The following MGAT4C variants were observed in gnomAD, a reference collection of about 807,000 sequenced individuals.
The protein encoded by MGAT4C is alpha-1,3-mannosyl-glycoprotein 4-beta-N-acetylglucosaminyltransferase C.
Under a neutral mutation model 40.1 loss-of-function variants are expected in MGAT4C, and 19 were observed. That is an observed-to-expected ratio of 0.47 (90% CI 0.33 to 0.70). MGAT4C has a LOEUF of 0.70. MGAT4C is among the 30% of genes least tolerant of loss of function. MGAT4C has a pLI of 0.02. For missense variants in MGAT4C, 491 were observed against 563.2 expected (o/e 0.87, Z 1.30); for synonymous variants, 181 against 187.1 (o/e 0.97, Z 0.27).
intron 2 of MGAT4C, among the ~76,000 whole-genome samples, chr12:86,474,881 C>A (rs764639130): frequency 6.6e-6 from 1 of 150,516 alleles, no homozygotes; most frequent in Non-Finnish European, 1.5e-5. Context: ...TAAATAGGTT[C>A]TTTAAATTCC....
intron 4 of MGAT4C, among the ~76,000 whole-genome samples, chr12:86,264,772 C>G (rs1295188417): frequency 5.3e-5 from 8 of 151,168 alleles, no homozygotes; most frequent in African/African-American, 2.0e-4. Flanking sequence ...AGTGCCTGCT[C>G]TCACTGCCTG....
At chr12:86,398,026 G>A (rs761826886) in intron 3 of MGAT4C, among the ~76,000 whole-genome samples, 24 of 152,130 alleles carry the variant, frequency 1.6e-4, no homozygotes, top group African/African-American at 5.6e-4. Context: ...TTTGTATTCC[G>A]AGAAACAATT....
intron 2 of MGAT4C, among the ~76,000 whole-genome samples, chr12:86,571,409 GTA>G (rs1045575252): frequency 6.6e-6 from 1 of 151,704 alleles, no homozygotes; most frequent in Admixed American, 6.6e-5. Flanking sequence ...ACATAAGTGT[GTA>G]TATATATATG....
At chr12:86,154,805 A>G (rs1484421490) in intron 1 of MGAT4C, among the ~76,000 whole-genome samples, 3 of 152,148 alleles carry the variant, frequency 2.0e-5, no homozygotes, top group African/African-American at 7.2e-5. Flanking sequence ...TTTTCATTTT[A>G]TCTACAATTA....
chr12:86,043,932 A>C (rs2136947412), intron 2 of MGAT4C, among the ~76,000 whole-genome samples: 1 of 152,262 alleles, frequency 6.6e-6, no homozygotes, highest in South Asian at 2.1e-4. Flanking sequence ...GGTCATTTTG[A>C]GGTGAGAGGA....
At chr12:86,756,897 A>G (rs1047853900) in intron 1 of MGAT4C, among the ~76,000 whole-genome samples, 3 of 152,184 alleles carry the variant, frequency 2.0e-5, no homozygotes, top group African/African-American at 7.2e-5. Context: ...AATGGGAAAA[A>G]ACATTACTTT....
intron 1 of MGAT4C, among the ~76,000 whole-genome samples, chr12:86,216,187 A>C (rs772682690): frequency 6.6e-5 from 10 of 152,166 alleles, no homozygotes. Flanking sequence ...GAAAACACAG[A>C]ATTATGGTAA....
chr12:86,581,890 T>C (rs142187918), intron 2 of MGAT4C, among the ~76,000 whole-genome samples: 3 of 151,456 alleles, frequency 2.0e-5, no homozygotes, highest in African/African-American at 4.8e-5. Flanking sequence ...TCACCTTTTA[T>C]GATTAATCTT....
chr12:86,166,623 G>A (rs1184614999), intron 1 of MGAT4C, among the ~76,000 whole-genome samples: 2 of 152,106 alleles, frequency 1.3e-5, no homozygotes, highest in Non-Finnish European at 2.9e-5. Context: ...AGTGAGATGG[G>A]ATCGTGTCAC....
At chr12:86,295,548 C>T (rs1427660870) in intron 4 of MGAT4C, among the ~76,000 whole-genome samples, 1 of 152,132 alleles carries the variant, frequency 6.6e-6, no homozygotes, top group African/African-American at 2.4e-5. Flanking sequence ...TTGCAAAGAG[C>T]GAAACAACAA....
chr12:86,530,386 C>T (rs1340116504), intron 2 of MGAT4C, among the ~76,000 whole-genome samples: 2 of 151,954 alleles, frequency 1.3e-5, no homozygotes, highest in African/African-American at 4.8e-5. Context: ...TTCTATCCCA[C>T]TTCTTTTCTA....
At chr12:85,996,667 T>C (rs950776753) in intron 2 of MGAT4C, among the ~76,000 whole-genome samples, 1 of 152,068 alleles carries the variant, frequency 6.6e-6, no homozygotes, top group East Asian at 1.9e-4. Flanking sequence ...AAGCAAACAT[T>C]TAGTAATTAA....
intron 3 of MGAT4C, among the ~76,000 whole-genome samples, chr12:86,364,125 GA>G (rs1406674779): frequency 6.6e-6 from 1 of 151,734 alleles, no homozygotes; most frequent in Non-Finnish European, 1.5e-5. Context: ...GTAATTCTAA[GA>G]ATAATTTGTG....
At chr12:86,568,084 T>C (rs1233041979) in intron 2 of MGAT4C, among the ~76,000 whole-genome samples, 1 of 152,126 alleles carries the variant, frequency 6.6e-6, no homozygotes. Context: ...TGATGAATAC[T>C]AGTTGTCAAT....
intron 1 of MGAT4C, among the ~76,000 whole-genome samples, chr12:86,796,240 T>C (rs937458689): frequency 6.6e-6 from 1 of 151,860 alleles, no homozygotes; most frequent in African/African-American, 2.4e-5. Flanking sequence ...CTACTGTGCT[T>C]CAATTATGTT....
intron 1 of MGAT4C, among the ~76,000 whole-genome samples, chr12:86,132,791 CAAAAAAAAA>C (rs60321690): frequency 1.3e-4 from 12 of 93,732 alleles, no homozygotes; most frequent in East Asian, 9.3e-4. Flanking sequence ...GACTCCGTCT[CAAAAAAAAA>C]AAAAAAAAAA....
At chr12:86,685,948 T>G (rs949867354) in intron 2 of MGAT4C, among the ~76,000 whole-genome samples, 3 of 151,608 alleles carry the variant, frequency 2.0e-5, no homozygotes, top group African/African-American at 7.3e-5. Flanking sequence ...CTGCAAGCTC[T>G]GCCTCCCAGG....
At chr12:86,051,527 C>A (rs2136969343) in intron 1 of MGAT4C, among the ~76,000 whole-genome samples, 1 of 151,310 alleles carries the variant, frequency 6.6e-6, no homozygotes, top group African/African-American at 2.4e-5. Context: ...GCCAGATATT[C>A]AATTAAATAA....
chr12:86,771,393 A>G (rs903488572), intron 1 of MGAT4C, among the ~76,000 whole-genome samples: 2 of 152,148 alleles, frequency 1.3e-5, no homozygotes, highest in South Asian at 2.1e-4. Flanking sequence ...AGAGGCTGGA[A>G]GAGTTGTAAA....
Sources: allele counts gnomAD v4.1 joint callset (sites outside exome capture counted in the v4.1 genomes callset), GRCh38; gene constraint gnomAD v4.1.1; transcripts MANE v1.5; gene names NCBI Gene and HGNC (gene_info 2026-07-23, HGNC 2026-07-21).